The following COPS7B variants were observed in gnomAD, a reference collection of about 807,000 sequenced individuals.
COPS7B encodes COP9 signalosome complex subunit 7b.
COPS7B carries 9 observed loss-of-function variants against 33.4 expected under a neutral mutation model. The ratio of observed to expected loss-of-function variants is 0.27; its 90% CI spans 0.16 to 0.47. COPS7B has a LOEUF of 0.47. COPS7B is among the 20% of genes least tolerant of loss of function. The pLI is 0.99. For synonymous variants in COPS7B, 119 were observed against 126.3 expected (o/e 0.94, Z 0.39); for missense variants, 242 against 318.2 (o/e 0.76, Z 1.82).
rs1416070514 is a variant in COPS7B at position 231,807,467 on chromosome 2, A to G, written c.637-20A>G. 5 of 1,603,316 alleles carry G rather than the reference A, an allele frequency of 3.1e-6. No homozygotes were observed. The South Asian group carries it at 4.5e-5, about 14-fold the overall frequency. ...GAGCACATACAGGCTGAGCACTCCAATTCTATATCTCCCCACCAGGTTACC... is the reference window on the plus strand; with the variant it reads ...GAGCACATACAGGCTGAGCACTCCAGTTCTATATCTCCCCACCAGGTTACC... On this transcript the variant is annotated intron_variant, in intron 6 of 6. Transcript: ENST00000350033.
intron 6 of COPS7B, among the ~76,000 whole-genome samples, chr2:231,806,007 C>G (rs2049884598): frequency 6.6e-6 from 1 of 152,000 alleles, no homozygotes; most frequent in East Asian, 1.9e-4. Context: ...TTCAGAAAGG[C>G]TACAGCGTTG....
intron 5 of COPS7B, 141 bp downstream of exon 5, chr2:231,796,449 G>A: frequency 1.5e-6 from 1 of 675,900 alleles, no homozygotes; most frequent in South Asian, 1.8e-5. Flanking sequence ...CCGGAGAGTG[G>A]AGCTACATTT....
In COPS7B at chr2:231,786,478, T is replaced by A. The variant is rs2049245696; in HGVS notation, c.-77T>A. 1 of 985,772 alleles carries A rather than the reference T, an allele frequency of 1.0e-6. No homozygotes were observed. Among genetic ancestry groups the A allele is most frequent in the Non-Finnish European group, 1.2e-6 (1 of 830,064 alleles). The allele number at this position is 985,772 out of a possible 1,614,324, so 61.1% of individuals were successfully genotyped here. ...GGGTGATCATGGACGCTTGACAACC[T>A]GCGGGCAGGCGCCGGGAGGCCGAGC... On this transcript the variant is annotated 5_prime_UTR_variant, in exon 1 of 7. Coordinates refer to ENST00000350033, the MANE Select transcript of COPS7B (RefSeq NM_022730.4).
intron 1 of COPS7B, 144 bp from the exon 2 acceptor site, chr2:231,788,411 C>T (rs548428618): frequency 2.5e-5 from 18 of 718,902 alleles, no homozygotes; most frequent in Non-Finnish European, 4.0e-5. Context: ...GCTGGGATTA[C>T]AGGCATGAGC....
chr2:231,792,971 C>A (rs942384004), intron 3 of COPS7B, among the ~76,000 whole-genome samples: 13 of 152,064 alleles, frequency 8.5e-5, no homozygotes, highest in African/African-American at 3.1e-4. Flanking sequence ...TTTTTCTGAC[C>A]TTCCCTTTGT....
At chr2:231,788,116 T>C (rs1157437609) in intron 1 of COPS7B, among the ~76,000 whole-genome samples, 1 of 151,408 alleles carries the variant, frequency 6.6e-6, no homozygotes, top group African/African-American at 2.4e-5. Flanking sequence ...AGGTGGTCAT[T>C]GCATCTGGAC....
intron 6 of COPS7B, 128 bp from the exon 7 acceptor site, chr2:231,807,359 T>A: frequency 1.1e-6 from 1 of 934,532 alleles, no homozygotes. Context: ...CTCATCTGGA[T>A]TTCTGAAGAG....
At chr2:231,807,351 C>T (rs2049924017) in intron 6 of COPS7B, 136 bp from the exon 7 acceptor site, 2 of 852,818 alleles carry the variant, frequency 2.3e-6, no homozygotes, top group East Asian at 3.0e-5. Context: ...CGTTTCTGCT[C>T]ATCTGGATTT....
intron 3 of COPS7B, among the ~76,000 whole-genome samples, chr2:231,792,606 A>G (rs1421790595): frequency 1.3e-5 from 2 of 152,218 alleles, no homozygotes; most frequent in Admixed American, 1.3e-4. Flanking sequence ...CTATGTATAC[A>G]GTTTTATGTC....
chr2:231,807,265 G>T (rs1025265669), intron 6 of COPS7B, among the ~76,000 whole-genome samples: 2 of 152,086 alleles, frequency 1.3e-5, no homozygotes, highest in Admixed American at 1.3e-4. Context: ...CCTTCCATTT[G>T]TTTCAACCAG....
chr2:231,796,427 G>A, intron 5 of COPS7B, 119 bp downstream of exon 5: 1 of 814,842 alleles, frequency 1.2e-6, no homozygotes, highest in Non-Finnish European at 2.0e-6. Flanking sequence ...CTGGGAGCTG[G>A]GGCTTAGTGA....
chr2:231,797,853 G>T (rs1443625903), intron 5 of COPS7B, among the ~76,000 whole-genome samples: 1 of 152,118 alleles, frequency 6.6e-6, no homozygotes, highest in Non-Finnish European at 1.5e-5. Context: ...GAGAAAAGGC[G>T]GAATCTTCAA....
intron 6 of COPS7B, among the ~76,000 whole-genome samples, chr2:231,803,398 G>A (rs1407151245): frequency 6.6e-6 from 1 of 152,188 alleles, no homozygotes; most frequent in Non-Finnish European, 1.5e-5. Context: ...GTGTTGAGGA[G>A]TGGGAAGGAA....
intron 5 of COPS7B, 29 bp from the exon 6 acceptor site, chr2:231,798,830 C>T (rs377432536): frequency 1.9e-6 from 3 of 1,584,182 alleles, no homozygotes; most frequent in Non-Finnish European, 1.7e-6. Flanking sequence ...GGCCATTCTG[C>T]AGCTCAGGGC....
At position 231,786,515 on chromosome 2, in the gene COPS7B, A is replaced by G; in HGVS notation, c.-40A>G. The G allele has an allele frequency of 2.0e-6, 2 of 985,840 alleles. No homozygotes were observed. The highest frequency in any genetic ancestry group is 2.4e-6 in the Non-Finnish European group (2 of 830,026). 61.1% of individuals were successfully genotyped at this position (985,840 alleles called of 1,614,324 possible). A position where few individuals can be genotyped will look rare whatever the true frequency, so the allele number is the denominator to read the frequency against. ...CCGGGAGGCCGAGCCAGCGACTAAG[A>G]GGACCGAGAGGTGGCGTGGACAGGT... On this transcript the variant is annotated 5_prime_UTR_variant, in exon 1 of 7. Coordinates refer to ENST00000350033, the MANE Select transcript of COPS7B (RefSeq NM_022730.4).
intron 6 of COPS7B, 38 bp downstream of exon 6, chr2:231,799,002 C>T (rs1342495159): frequency 4.5e-6 from 7 of 1,544,592 alleles, no homozygotes; most frequent in Non-Finnish European, 5.4e-6. Context: ...TCTCTCCAGG[C>T]ATACCTGTTT....
chr2:231,801,048 T>G, intron 6 of COPS7B: 2 of 995,336 alleles, frequency 2.0e-6, no homozygotes, highest in Non-Finnish European at 3.1e-6. Context: ...GTATTCTGTT[T>G]GTATTTATGC....
upstream of COPS7B, chr2:231,781,927 AAG>A: frequency 6.6e-7 from 1 of 1,524,540 alleles, no homozygotes; most frequent in Non-Finnish European, 8.9e-7. Context: ...TAAACCGTGA[AAG>A]AGAACAAAAT....
chr2:231,796,835 G>T (rs865841230), intron 5 of COPS7B, among the ~76,000 whole-genome samples: 18 of 152,158 alleles, frequency 1.2e-4, no homozygotes, highest in African/African-American at 4.1e-4. Context: ...ACAAGGAGTG[G>T]GTCATTTTAA....
Sources: gnomAD v4.1 joint callset for allele counts (sites outside exome capture counted in the v4.1 genomes callset) on GRCh38, gnomAD v4.1.1 for gene constraint, MANE v1.5 for transcripts, NCBI Gene and HGNC (gene_info 2026-07-23, HGNC 2026-07-21) for gene names.